CCDC91: variants seen among roughly 807,000 people sequenced by gnomAD.
CCDC91 encodes the protein coiled-coil domain containing 91.
In CCDC91, 48 loss-of-function variants were observed where a neutral mutation model predicts 63.2. The observed-to-expected ratio is 0.76, with a 90% CI of 0.60 to 0.97. CCDC91 has a LOEUF of 0.97. Among genes scored for constraint, CCDC91 ranks in the 50% least tolerant of loss-of-function variants. The pLI is 0.00. For synonymous variants in CCDC91, 167 were observed against 165.8 expected (o/e 1.01, Z -0.06); for missense variants, 500 against 494.6 (o/e 1.01, Z -0.10).
At chr12:28,425,777 C>G (rs1161870946) in intron 8 of CCDC91, among the ~76,000 whole-genome samples, 3 of 152,164 alleles carry the variant, frequency 2.0e-5, no homozygotes, top group Non-Finnish European at 4.4e-5. Flanking sequence ...TCAGCATCAT[C>G]TGGGAGCATG....
At chr12:28,460,819 A>T (rs907360075) in intron 11 of CCDC91, among the ~76,000 whole-genome samples, 8 of 151,914 alleles carry the variant, frequency 5.3e-5, no homozygotes, top group Admixed American at 4.6e-4. Flanking sequence ...GTGTATATAT[A>T]TATTTTTTAA....
chr12:28,329,115 AAAT>A (rs1337241308), intron 6 of CCDC91, among the ~76,000 whole-genome samples: 1 of 152,178 alleles, frequency 6.6e-6, no homozygotes, highest in Non-Finnish European at 1.5e-5. Flanking sequence ...AGTCTTCCTG[AAAT>A]AATAACTGAA....
chr12:28,290,163 T>C (rs1949154420), intron 3 of CCDC91, among the ~76,000 whole-genome samples: 1 of 152,168 alleles, frequency 6.6e-6, no homozygotes, highest in Non-Finnish European at 1.5e-5. Flanking sequence ...AAGGTCCCTA[T>C]GACCTTGCTT....
At chr12:28,390,683 A>C (rs1444945886) in intron 7 of CCDC91, among the ~76,000 whole-genome samples, 5 of 152,146 alleles carry the variant, frequency 3.3e-5, no homozygotes, top group Non-Finnish European at 5.9e-5. Context: ...AAGTTTTATT[A>C]CTTTTTATGC....
At chr12:28,317,575 C>T (rs1940027047) in intron 6 of CCDC91, among the ~76,000 whole-genome samples, 1 of 151,848 alleles carries the variant, frequency 6.6e-6, no homozygotes, top group Middle Eastern at 3.4e-3. Flanking sequence ...ATGATTTTTT[C>T]AAGTAGTTTT....
chr12:28,374,795 A>T (rs576454642), intron 7 of CCDC91, among the ~76,000 whole-genome samples: 2 of 152,256 alleles, frequency 1.3e-5, no homozygotes, highest in African/African-American at 4.8e-5. Context: ...TTGAGTATGT[A>T]ACTCTGTGTT....
intron 12 of CCDC91, among the ~76,000 whole-genome samples, chr12:28,531,780 G>T (rs1389155576): frequency 1.3e-5 from 2 of 152,108 alleles, no homozygotes; most frequent in Non-Finnish European, 1.5e-5. Context: ...TGCACCATGT[G>T]CCAGGTACTG....
chr12:28,269,030 A>G (rs1249080278), intron 3 of CCDC91, among the ~76,000 whole-genome samples: 1 of 152,194 alleles, frequency 6.6e-6, no homozygotes, highest in African/African-American at 2.4e-5. Context: ...TGAGACTTAC[A>G]GGACAAGTAC....
At chr12:28,522,023 T>C (rs1276224477) in intron 12 of CCDC91, among the ~76,000 whole-genome samples, 1 of 152,168 alleles carries the variant, frequency 6.6e-6, no homozygotes, top group Non-Finnish European at 1.5e-5. Context: ...GGGATATTGG[T>C]CTAAAATTCT....
intron 8 of CCDC91, among the ~76,000 whole-genome samples, chr12:28,441,077 A>AC (rs1565977542): frequency 4.7e-5 from 1 of 21,136 alleles, no homozygotes; most frequent in Admixed American, 3.7e-4. Flanking sequence ...AAAAAAAAAA[A>AC]AAAAAAAGAA....
At chr12:28,349,461 T>G (rs1462005319) in intron 6 of CCDC91, among the ~76,000 whole-genome samples, 6 of 152,178 alleles carry the variant, frequency 3.9e-5, no homozygotes, top group African/African-American at 1.4e-4. Flanking sequence ...GTTTTATGAG[T>G]GTACAACCTC....
At chr12:28,533,040 G>A (rs1449703655) in intron 12 of CCDC91, among the ~76,000 whole-genome samples, 1 of 152,034 alleles carries the variant, frequency 6.6e-6, no homozygotes, top group East Asian at 1.9e-4. Context: ...CACCTACCAA[G>A]AAGATACAAC....
chr12:28,271,452 T>C lies in CCDC91; in HGVS notation c.109+12010T>C, dbSNP rs1947762970. On this transcript the variant is annotated intron_variant, in intron 3 of 12. Transcript: ENST00000536442. Reference sequence around the variant, plus strand: ...TTTTCCCTCTGATTACTGCTTTAACTGTATCTTGCCAATTTTATTTTTAAA... The same window carrying C: ...TTTTCCCTCTGATTACTGCTTTAACCGTATCTTGCCAATTTTATTTTTAAA... Among the ~76,000 whole-genome samples the C allele has an allele frequency of 2.0e-5, 3 of 152,152 alleles. No homozygotes were observed. The South Asian group carries it at 6.2e-4, about 32-fold the overall frequency.
intron 8 of CCDC91, among the ~76,000 whole-genome samples, chr12:28,448,355 A>C (rs1476448673): frequency 2.0e-5 from 3 of 152,116 alleles, no homozygotes; most frequent in Non-Finnish European, 2.9e-5. Context: ...CCAGTAACCC[A>C]GTTGTATTTT....
intron 12 of CCDC91, among the ~76,000 whole-genome samples, chr12:28,506,722 A>C (rs759582569): frequency 6.6e-6 from 1 of 151,952 alleles, no homozygotes; most frequent in East Asian, 1.9e-4. Context: ...GAAAGGTTAG[A>C]TAGCTTGTGC....
chr12:28,354,614 AC>A (rs754723390), intron 6 of CCDC91, among the ~76,000 whole-genome samples: 1 of 152,180 alleles, frequency 6.6e-6, no homozygotes, highest in Non-Finnish European at 1.5e-5. Flanking sequence ...CAGATAAATG[AC>A]AAGAGCATTA....
intron 1 of CCDC91, among the ~76,000 whole-genome samples, chr12:28,211,038 C>T (rs557308122): frequency 8.0e-5 from 12 of 149,720 alleles, no homozygotes; most frequent in Admixed American, 6.0e-4. Context: ...GTTTTAGGCA[C>T]GTATTTTGTC....
intron 1 of CCDC91, among the ~76,000 whole-genome samples, chr12:28,247,904 G>C (rs1274618146): frequency 6.6e-6 from 1 of 152,138 alleles, no homozygotes; most frequent in Non-Finnish European, 1.5e-5. Flanking sequence ...CATATGCACA[G>C]TTCACAATAG....
chr12:28,379,406 A>G (rs1185201516), intron 7 of CCDC91, among the ~76,000 whole-genome samples: 4 of 151,322 alleles, frequency 2.6e-5, no homozygotes, highest in African/African-American at 9.7e-5. Flanking sequence ...TACCCATCTG[A>G]CAAAGGGCTA....
Sources: allele counts gnomAD v4.1 joint callset (sites outside exome capture counted in the v4.1 genomes callset), GRCh38; gene constraint gnomAD v4.1.1; transcripts MANE v1.5; gene names NCBI Gene and HGNC (gene_info 2026-07-23, HGNC 2026-07-21).